GRWD1: variants seen among roughly 807,000 people sequenced by gnomAD.
GRWD1 encodes the protein glutamate-rich WD repeat-containing protein 1.
Under a neutral mutation model 45.3 loss-of-function variants are expected in GRWD1, and 29 were observed. The ratio of observed to expected loss-of-function variants is 0.64; its 90% CI spans 0.48 to 0.87. The LOEUF (loss-of-function observed/expected upper bound fraction) is 0.87, where lower values mean the gene tolerates loss of function less well. Ranked by LOEUF, GRWD1 falls within the 40% of genes least tolerant of loss-of-function variation. The pLI is 0.00. For missense variants in GRWD1, 592 were observed against 618.8 expected, an observed-to-expected ratio of 0.96 and a Z score of 0.46; for synonymous variants, 262 against 257.6, an observed-to-expected ratio of 1.02 and a Z score of -0.16.
chr19:48,446,368 C>T lies in GRWD1; in HGVS notation c.188-17C>T, dbSNP rs772937397. 6 of 1,611,434 alleles carry T rather than the reference C, an allele frequency of 3.7e-6. No individual in the cohort carries two copies. The highest frequency in any genetic ancestry group is 3.3e-5 in the South Asian group (3 of 91,000). ...ACTGTCCCGTCTTAACTCGTAAACC[C>T]CGCCTTCCATCCCCAGGCGCCCCCT... is the stretch of plus-strand genomic sequence containing the variant. On this transcript the variant is annotated splice_polypyrimidine_tract_variant and intron_variant, in intron 1 of 6. Coordinates refer to ENST00000253237, the MANE Select transcript of GRWD1 (RefSeq NM_031485.4).
At position 48,452,970 on chromosome 19, in the gene GRWD1, T is replaced by A. The variant is rs1450294811; in HGVS notation, c.1286T>A (p.Leu429His). The change falls in exon 7 of 7, where the codon CTC becomes CAC. Residue 429 changes from leucine to histidine, a missense_variant. Transcript: ENST00000253237. This position sits in a 1 kb window ranked among gnomAD's most constrained non-coding sequence, Gnocchi z 5.1. Reference protein sequence around the residue: ...ELHWHPQCPGLLVSTALSGFT... With the variant: ...ELHWHPQCPGHLVSTALSGFT... ...CACTGGCACCCGCAGTGCCCAGGGC[T>A]CCTGGTCAGCACGGCGCTGTCAGGC... 6.2e-7 allele frequency: 1 copy of A among 1,609,828 alleles called. No individual in the cohort carries two copies. Among genetic ancestry groups the A allele is most frequent in the Non-Finnish European group, 8.5e-7 (1 of 1,177,892 alleles).
rs771387893 is a variant in GRWD1, at chr19:48,452,930, G to C, written c.1246G>C (p.Glu416Gln). 1.2e-6 allele frequency: 2 copies of C among 1,611,846 alleles called. No homozygotes were observed. The highest frequency in any genetic ancestry group is 1.1e-5 in the South Asian group (1 of 91,066). ...QLLFVHQGET[E>Q]LKELHWHPQC... ...GCTGTTCGTGCACCAGGGCGAGACCGAGCTGAAGGAGCTGCACTGGCACCC... is the reference window on the plus strand; with the variant it reads ...GCTGTTCGTGCACCAGGGCGAGACCCAGCTGAAGGAGCTGCACTGGCACCC... The change falls in exon 7 of 7, where the codon GAG becomes CAG. Residue 416 changes from glutamate to glutamine, a missense_variant. Glu to Gln is a conservative substitution (Grantham distance 29). Coordinates refer to ENST00000253237, the MANE Select transcript of GRWD1 (RefSeq NM_031485.4). This position sits in a 1 kb window ranked among gnomAD's most constrained non-coding sequence, Gnocchi z 5.1.
Position 48,446,766 on chromosome 19 carries a change from G to T in GRWD1, c.391G>T (p.Glu131Ter), listed in dbSNP as rs760008172. 1.2e-6 allele frequency: 2 copies of T among 1,614,176 alleles called. No individual in the cohort carries two copies. Among genetic ancestry groups the T allele is most frequent in the Non-Finnish European group, 1.7e-6 (2 of 1,180,018 alleles). ...GSDEEEEEED[E>*]EDEEERKPQL... ...TGATGAAGAAGAAGAGGAGGAAGAT[G>T]AAGAGGATGAAGAAGAGCGGAAACC... Residue 131 changes from glutamate to a stop codon, truncating the protein, a stop_gained, in exon 3 of 7, where the codon GAA (glutamate) becomes TAA (stop). Coordinates refer to ENST00000253237, the MANE Select transcript of GRWD1 (RefSeq NM_031485.4). LOFTEE classifies it high-confidence loss of function.
In GRWD1 at chr19:48,452,799, C is replaced by T. The variant is rs755256324; in HGVS notation, c.1115C>T (p.Ser372Leu). The change falls in exon 7 of 7, where the codon TCG becomes TTG. Residue 372 changes from serine (S) to leucine (L), a missense_variant. Physicochemically the swap from Ser to Leu is moderately radical, Grantham distance 145. Coordinates refer to ENST00000253237, the MANE Select transcript of GRWD1 (RefSeq NM_031485.4). This position sits in a 1 kb window ranked among gnomAD's most constrained non-coding sequence, Gnocchi z 5.1. ...CAGGACAGCGGGGTCTTTGCAGCCT[C>T]GGGTGCAGACCACCAGATCACACAG... ...HPQDSGVFAA[S>L]GADHQITQWD... 2.5e-5 allele frequency: 40 copies of T among 1,612,704 alleles called. No homozygotes were observed. The highest frequency in any genetic ancestry group is 1.9e-4 in the South Asian group (17 of 91,014).
In GRWD1 at chr19:48,456,722, G is replaced by A. The variant is rs966004799; in HGVS notation, c.*3697G>A. 1.3e-5 allele frequency: 2 copies of A among 152,240 alleles called. No individual in the cohort carries two copies. The highest frequency in any genetic ancestry group is 2.4e-5 in the African/African-American group (1 of 41,444). The allele number at this position is 152,240 out of a possible 1,614,324, so 9.4% of individuals were successfully genotyped here. ...GAAGTTCCCCACCACAGGGCCAAGC[G>A]TTTGGTAACGTTGCAGTGAACCCTG... On this transcript the variant is annotated 3_prime_UTR_variant, in exon 7 of 7. Transcript: ENST00000253237.
In GRWD1 at chr19:48,446,208, G is replaced by T; in HGVS notation, c.187+16G>T. 3 of 1,589,966 alleles carry T rather than the reference G, an allele frequency of 1.9e-6. No homozygotes were observed. On this transcript the variant is annotated intron_variant, in intron 1 of 6. Coordinates refer to ENST00000253237, the MANE Select transcript of GRWD1 (RefSeq NM_031485.4). ...GCGCAGACTGGTAGGGCTGAGTCCG[G>T]ACTCCAGGGTCCTGAGGTGGCTGAT... is the stretch of plus-strand genomic sequence containing the variant.
Position 48,453,043 on chromosome 19 carries a change from G to C in GRWD1, c.*18G>C. ...GCGTCTGAGGCGTCCCACTGGCTCT[G>C]ATCTTGCTTCCTGCTTGGAAACTGA... On this transcript the variant is annotated 3_prime_UTR_variant, in exon 7 of 7. Transcript: ENST00000253237. The C allele has an allele frequency of 1.9e-6, 3 of 1,551,312 alleles. No homozygotes were observed. The highest frequency in any genetic ancestry group is 2.6e-6 in the Non-Finnish European group (3 of 1,145,000).
rs58562169 is a variant in GRWD1, at chr19:48,452,089, C to CTTTTTTTTTTTTTTTTTTTTTTTTT, written c.1024-602_1024-601insTTTTTTTTTTTTTTTTTTTTTTTTT. 6.9e-6 allele frequency among the ~76,000 whole-genome samples: 1 copy of CTTTTTTTTTTTTTTTTTTTTTTTTT among 145,960 alleles called. No homozygotes were observed. The highest frequency in any genetic ancestry group is 2.5e-5 in the African/African-American group (1 of 39,402). ...GGGAGAGCCATGCCCTCCTTTTTTT[C>CTTTTTTTTTTTTTTTTTTTTTTTTT]TTTTTTTTTTTTTTTTTCTTTTTTT... is the stretch of plus-strand genomic sequence containing the variant. On this transcript the variant is annotated intron_variant, in intron 6 of 6. Coordinates refer to ENST00000253237, the MANE Select transcript of GRWD1 (RefSeq NM_031485.4). This position sits in a 1 kb window ranked among gnomAD's most constrained non-coding sequence, Gnocchi z 5.1.
At position 48,454,171 on chromosome 19, in the gene GRWD1, A is replaced by T. The variant is rs543181669; in HGVS notation, c.*1146A>T. 6.6e-6 allele frequency: 1 copy of T among 152,212 alleles called. No individual in the cohort carries two copies. Among genetic ancestry groups the T allele is most frequent in the African/African-American group, 2.4e-5 (1 of 41,304 alleles). 9.4% of individuals were successfully genotyped at this position (152,212 alleles called of 1,614,324 possible). A position where few individuals can be genotyped will look rare whatever the true frequency, so the allele number is the denominator to read the frequency against. ...CACCAGCTTATGAAGGCTTCATCTC[A>T]GGGAACTCTGGACCCCCCATTTCTC... is the stretch of plus-strand genomic sequence containing the variant. On this transcript the variant is annotated 3_prime_UTR_variant, in exon 7 of 7. Transcript: ENST00000253237.
intron 6 of GRWD1, among the ~76,000 whole-genome samples, 197 bp downstream of exon 6, chr19:48,451,428 G>C (rs1021032996): frequency 2.6e-5 from 4 of 152,118 alleles, no homozygotes; most frequent in African/African-American, 9.7e-5. Context: ...CTCCACTCTT[G>C]GGGTCACTCA....
chr19:48,446,461 C>G lies in GRWD1; in HGVS notation c.264C>G (p.Tyr88Ter). 6.2e-7 allele frequency: 1 copy of G among 1,614,188 alleles called. No individual in the cohort carries two copies. The highest frequency in any genetic ancestry group is 8.5e-7 in the Non-Finnish European group (1 of 1,180,022). The change falls in exon 2 of 7, where the codon TAC becomes TAG. Residue 88 changes from tyrosine to a stop codon, truncating the protein, a stop_gained. Transcript: ENST00000253237. LOFTEE classifies it high-confidence loss of function. ...DNRTELPLTL[Y>*]LCAGTQAESA... ...GGACAGAGCTTCCTCTTACACTTTA[C>G]TTGTGTGCTGGGACCCAGGCTGAGA...
At position 48,446,836 on chromosome 19, in the gene GRWD1, G is replaced by A; in HGVS notation, c.461G>A (p.Arg154Gln). Residue 154 changes from arginine to glutamine, a missense_variant, in exon 3 of 7, where the codon CGA becomes CAA. By Grantham distance (43) the Arg-to-Gln change is conservative (BLOSUM62 1). Coordinates refer to ENST00000253237, the MANE Select transcript of GRWD1 (RefSeq NM_031485.4). ...AMVPHYGGINRVRVSWLGEEP... is the reference protein window; with the variant it reads ...AMVPHYGGINQVRVSWLGEEP... ...GTGCCCCACTATGGTGGCATCAACC[G>A]AGTTCGGGTAAGTATGGTCCCAGGA... is the stretch of plus-strand genomic sequence containing the variant. 6.2e-7 allele frequency: 1 copy of A among 1,612,680 alleles called. No individual in the cohort carries two copies. The highest frequency in any genetic ancestry group is 8.5e-7 in the Non-Finnish European group (1 of 1,179,636).
chr19:48,446,257 G>T lies in GRWD1; in HGVS notation c.187+65G>T, dbSNP rs746739721. On this transcript the variant is annotated intron_variant, in intron 1 of 6. Coordinates refer to ENST00000253237, the MANE Select transcript of GRWD1 (RefSeq NM_031485.4). ...ATCCCGAGCCTTTAACCTGAGAGGT[G>T]CTCGGGAAGAGAAGGCTGGGGTCTA... 8 of 1,570,296 alleles carry T rather than the reference G, an allele frequency of 5.1e-6. No individual in the cohort carries two copies. In the South Asian group the frequency reaches 9.0e-5, roughly 18 times the overall value.
chr19:48,454,349 G>A lies in GRWD1; in HGVS notation c.*1324G>A, dbSNP rs567434216. The A allele has an allele frequency of 3.2e-4, 48 of 152,366 alleles. No individual in the cohort carries two copies. The highest frequency in any genetic ancestry group is 1.0e-3 in the African/African-American group (43 of 41,412). The allele number at this position is 152,366 out of a possible 1,614,324, so 9.4% of individuals were successfully genotyped here. On this transcript the variant is annotated 3_prime_UTR_variant, in exon 7 of 7. Coordinates refer to ENST00000253237, the MANE Select transcript of GRWD1 (RefSeq NM_031485.4). ...TCCTGTCCAGCCTGCCTGGGCTGTG[G>A]CCCAGCCGCTCTGCCTGGCTGGCCT...
In GRWD1 at chr19:48,446,121, C is replaced by T. The variant is rs1345479416; in HGVS notation, c.116C>T (p.Pro39Leu). 5.6e-6 allele frequency: 9 copies of T among 1,604,404 alleles called. No homozygotes were observed. The highest frequency in any genetic ancestry group is 1.7e-5 in the Admixed American group (1 of 57,538). Residue 39 changes from proline (P) to leucine (L), a missense_variant, in exon 1 of 7, where the codon CCG becomes CTG. Pro to Leu is a moderately conservative substitution (Grantham distance 98, BLOSUM62 -3). Transcript: ENST00000253237. ...PAQVYLPGRGPPLREGEELVM... is the reference protein window; with the variant it reads ...PAQVYLPGRGLPLREGEELVM... ...CAGGTCTACCTGCCCGGCCGGGGGC[C>T]GCCGCTACGCGAAGGGGAGGAGCTG...
rs200765474 is a variant in GRWD1, at chr19:48,450,668, C to T, written c.685C>T (p.Arg229Cys). Residue 229 changes from arginine to cysteine, a missense_variant and splice_region_variant, in exon 5 of 7, where the codon CGC (arginine) becomes TGC (cysteine). Arg to Cys is a radical substitution (Grantham distance 180). Transcript: ENST00000253237. The surrounding 1 kb of genome is among the most constrained non-coding windows in gnomAD (Gnocchi z 5.1). ...CATTTCCTGACTCCCTTCCCCAGGT[C>T]GCCTGCTGACCGGTGACTGTCAAAA... is the stretch of plus-strand genomic sequence containing the variant. ...ALDWSPRVTG[R>C]LLTGDCQKNI... is the part of the protein sequence containing the mutation. 1.1e-4 allele frequency: 177 copies of T among 1,613,430 alleles called. No individual in the cohort carries two copies. In the East Asian group the frequency reaches 3.6e-3, roughly 33 times the overall value.
In GRWD1 at chr19:48,452,089, C is replaced by CTTTTTTT. The variant is rs58562169; in HGVS notation, c.1024-608_1024-602dup. On this transcript the variant is annotated intron_variant, in intron 6 of 6. Transcript: ENST00000253237. This position sits in a 1 kb window ranked among gnomAD's most constrained non-coding sequence, Gnocchi z 5.1. ...GGGAGAGCCATGCCCTCCTTTTTTT[C>CTTTTTTT]TTTTTTTTTTTTTTTTTCTTTTTTT... is the stretch of plus-strand genomic sequence containing the variant. Among the ~76,000 whole-genome samples, 1 of 145,960 alleles carries CTTTTTTT rather than the reference C, an allele frequency of 6.9e-6. No homozygotes were observed. The highest frequency in any genetic ancestry group is 1.5e-5 in the Non-Finnish European group (1 of 66,482).
chr19:48,450,169 G>T lies in GRWD1; in HGVS notation c.469-144G>T. 1.5e-6 allele frequency: 1 copy of T among 647,878 alleles called. No individual in the cohort carries two copies. The highest frequency in any genetic ancestry group is 2.7e-6 in the Non-Finnish European group (1 of 368,128). The allele number at this position is 647,878 out of a possible 1,614,324, so 40.1% of individuals were successfully genotyped here. A position where few individuals can be genotyped will look rare whatever the true frequency, so the allele number is the denominator to read the frequency against. ...CAGGTTGTGATTTTCTTCCCACAGAGGTTTCAAGGAGCTGTAGTCCCAGGC... is the reference window on the plus strand; with the variant it reads ...CAGGTTGTGATTTTCTTCCCACAGATGTTTCAAGGAGCTGTAGTCCCAGGC... On this transcript the variant is annotated intron_variant, in intron 3 of 6. Coordinates refer to ENST00000253237, the MANE Select transcript of GRWD1 (RefSeq NM_031485.4). The surrounding 1 kb of genome is among the most constrained non-coding windows in gnomAD (Gnocchi z 5.1).
At chr19:48,448,835 A>T (rs1326713586) in intron 3 of GRWD1, among the ~76,000 whole-genome samples, 1 of 152,176 alleles carries the variant, frequency 6.6e-6, no homozygotes, top group East Asian at 1.9e-4. Context: ...CACAGAGAAG[A>T]CATTGTTCAG....
Sources: gnomAD v4.1 joint callset for allele counts (sites outside exome capture counted in the v4.1 genomes callset) on GRCh38, gnomAD v4.1.1 for gene constraint, Gnocchi (gnomAD v3.1) non-coding constraint, MANE v1.5 for transcripts, NCBI Gene and HGNC (gene_info 2026-07-23, HGNC 2026-07-21) for gene names.